CRLF1: variants seen among roughly 807,000 people sequenced by gnomAD.
The protein encoded by CRLF1 is cytokine receptor-like factor 1.
In CRLF1, 36 loss-of-function variants were observed where a neutral mutation model predicts 48.9. The observed-to-expected ratio is 0.74, with a 90% CI of 0.56 to 0.97. The LOEUF (loss-of-function observed/expected upper bound fraction) is 0.97. CRLF1 is among the 50% of genes least tolerant of loss of function. The pLI, the probability that CRLF1 is intolerant of heterozygous loss-of-function variation, is 0.00. For synonymous variants in CRLF1, 256 were observed against 253.4 expected (o/e 1.01, Z -0.10); for missense variants, 534 against 575.1 (o/e 0.93, Z 0.73).
chr19:18,605,717 C>A (rs921265916), intron 1 of CRLF1, among the ~76,000 whole-genome samples: 1 of 152,158 alleles, frequency 6.6e-6, no homozygotes, highest in Non-Finnish European at 1.5e-5. Flanking sequence ...CGTATCCTTG[C>A]GGGGGTGTTC....
intron 4 of CRLF1, among the ~76,000 whole-genome samples, chr19:18,597,589 C>T (rs1359832815): frequency 6.6e-6 from 1 of 151,896 alleles, no homozygotes; most frequent in Non-Finnish European, 1.5e-5. Context: ...GCCACTACGC[C>T]CGGCTAAATT....
chr19:18,596,836 G>C (rs1156907661), intron 5 of CRLF1, 46 bp from the exon 6 acceptor site: 4 of 1,612,912 alleles, frequency 2.5e-6, no homozygotes, highest in Non-Finnish European at 3.4e-6. Flanking sequence ...GGCCTAGCAG[G>C]AGCGGGGGCG....
intron 8 of CRLF1, 26 bp downstream of exon 8, chr19:18,594,039 C>CCCCCCCCCCCCCCA: frequency 1.6e-6 from 2 of 1,271,694 alleles, no homozygotes; most frequent in Non-Finnish European, 2.2e-6. Context: ...TGCTCCCTCC[C>CCCCCCCCCCCCCCA]GCCCACCCAT....
chr19:18,593,703 G>T, intron 8 of CRLF1, 124 bp from the exon 9 acceptor site: 2 of 1,534,048 alleles, frequency 1.3e-6, no homozygotes, highest in East Asian at 2.5e-5. Context: ...CTTTGGGCAG[G>T]GTCCTGCCCC....
rs1412317031 is a variant in CRLF1, at chr19:18,606,512, G to C, written c.115+30C>G. On this transcript the variant is annotated intron_variant, in intron 1 of 8. Coordinates refer to ENST00000392386, the MANE Select transcript of CRLF1 (RefSeq NM_004750.5). The surrounding 1 kb of genome is among the most constrained non-coding windows in gnomAD (Gnocchi z 4.8). ...GGGCGCCCGCCCTCTGCTCTGGCAG[G>C]GGGGAAGGAGTGGGGCGCCGGGTAC... is the stretch of plus-strand genomic sequence containing the variant. 3 of 1,151,076 alleles carry C rather than the reference G, an allele frequency of 2.6e-6. No individual in the cohort carries two copies. The highest frequency in any genetic ancestry group is 3.2e-6 in the Non-Finnish European group (3 of 936,544). 71.3% of individuals were successfully genotyped at this position (1,151,076 alleles called of 1,614,324 possible).
Position 18,606,618 on chromosome 19 carries a change from C to G in CRLF1, c.39G>C (p.Ala13=), listed in dbSNP as rs1600659367. 9.4e-7 allele frequency: 1 copy of G among 1,061,990 alleles called. No individual in the cohort carries two copies. Among genetic ancestry groups the G allele is most frequent in the Non-Finnish European group, 1.1e-6 (1 of 878,208 alleles). 65.8% of individuals were successfully genotyped at this position (1,061,990 alleles called of 1,614,324 possible). Residue 13 remains alanine (A), a synonymous_variant, in exon 1 of 9, where the codon GCG becomes GCC. Transcript: ENST00000392386. The surrounding 1 kb of genome is among the most constrained non-coding windows in gnomAD (Gnocchi z 4.8). ...GGGGCAGCAACGGCGGCGGCCGCCG[C>G]GCGGATTGGGCGGCGGGGCCCCGGC... The part of the protein sequence containing the change: ...AGRRGPAAQS[A]RRPPPLLPLL...
chr19:18,593,932 G>C, intron 8 of CRLF1, 133 bp downstream of exon 8: 1 of 1,476,256 alleles, frequency 6.8e-7, no homozygotes, highest in Non-Finnish European at 9.1e-7. Flanking sequence ...GAATAACAAA[G>C]GAAGAGGACG....
Position 18,599,725 on chromosome 19 carries a change from G to T in CRLF1, c.237C>A (p.Asn79Lys), listed in dbSNP as rs2238647. ...AGAGCTCAGGGGGCAGGCGGCGCCC[G>T]TTGAGGGTCCAGTAGAGGCCCTCGG... ...ATAEGLYWTL[N>K]GRRLPPELSR... The change falls in exon 2 of 9, where the codon AAC (asparagine) becomes AAA (lysine). Residue 79 changes from asparagine (N) to lysine (K), a missense_variant. Coordinates refer to ENST00000392386, the MANE Select transcript of CRLF1 (RefSeq NM_004750.5). The T allele has an allele frequency of 1.2e-6, 2 of 1,605,398 alleles. No homozygotes were observed. The highest frequency in any genetic ancestry group is 1.7e-6 in the Non-Finnish European group (2 of 1,176,300).
Position 18,593,504 on chromosome 19 carries a change from C to T in CRLF1, c.*62G>A, listed in dbSNP as rs1976083521. The T allele has an allele frequency of 3.1e-6, 5 of 1,601,646 alleles. No individual in the cohort carries two copies. In the Admixed American group the frequency reaches 5.1e-5, roughly 16 times the overall value. ...CTGAAGTGAGGGTACAGAGGTGGCC[C>T]CAGTTTGGGTTCGGCCTCTGCGTCT... On this transcript the variant is annotated 3_prime_UTR_variant, in exon 9 of 9. Coordinates refer to ENST00000392386, the MANE Select transcript of CRLF1 (RefSeq NM_004750.5).
intron 8 of CRLF1, 142 bp from the exon 9 acceptor site, chr19:18,593,721 G>T: frequency 6.6e-7 from 1 of 1,515,438 alleles, no homozygotes; most frequent in Non-Finnish European, 8.9e-7. Flanking sequence ...CCCTCTCCGG[G>T]CCTTGGCGAG....
chr19:18,603,628 T>A (rs1976247403), intron 1 of CRLF1, among the ~76,000 whole-genome samples: 1 of 152,212 alleles, frequency 6.6e-6, no homozygotes, highest in South Asian at 2.1e-4. Context: ...GACAGGGTGA[T>A]CCTGGCCCCC....
intron 6 of CRLF1, 147 bp downstream of exon 6, chr19:18,596,475 G>T: frequency 1.0e-6 from 1 of 1,004,050 alleles, no homozygotes; most frequent in Non-Finnish European, 1.4e-6. Flanking sequence ...GGGAGGCAGA[G>T]GTTGCAGTGA....
Position 18,596,962 on chromosome 19 carries a change from G to C in CRLF1, c.785C>G (p.Ala262Gly). ...QLSVRWVSPP[A>G]LKDFLFQAKY... ...GGCTTGAAAGAGGAAATCCTTGAGG[G>C]CGGGTGGCGACACCCAGCGCACGCT... Residue 262 changes from alanine to glycine, a missense_variant, in exon 5 of 9, where the codon GCC becomes GGC. By Grantham distance (60) the Ala-to-Gly change is moderately conservative. This residue lies in a region of CRLF1 where 528 missense variants were observed against 555.7 expected (regional missense o/e 0.95). Coordinates refer to ENST00000392386, the MANE Select transcript of CRLF1 (RefSeq NM_004750.5). 3 of 1,614,068 alleles carry C rather than the reference G, an allele frequency of 1.9e-6. No homozygotes were observed. The highest frequency in any genetic ancestry group is 2.5e-6 in the Non-Finnish European group (3 of 1,180,018).
rs184575360 is a variant in CRLF1, at chr19:18,598,605, C to T, written c.528-4G>A. 4.7e-3 allele frequency: 7,531 copies of T among 1,613,970 alleles called. 23 individuals are homozygous for T. The highest frequency in any genetic ancestry group is 5.5e-3 in the Non-Finnish European group (6,546 of 1,179,954). ...TGTGTTGTCCTGGCCATACCACCTG[C>T]GGGGATGGGAGGGCGACAGGACGCA... On this transcript the variant is annotated splice_region_variant and splice_polypyrimidine_tract_variant and intron_variant, in intron 3 of 8. Coordinates refer to ENST00000392386, the MANE Select transcript of CRLF1 (RefSeq NM_004750.5).
At position 18,599,819 on chromosome 19, in the gene CRLF1, G is replaced by A; in HGVS notation, c.143C>T (p.Pro48Leu). ...CAGGGAGGAGCCGATGAGAAGCGTG[G>A]GATCCTGGGGACTGATCACAGCTGT... ...AHTAVISPQD[P>L]TLLIGSSLLA... is the part of the protein sequence containing the mutation. Residue 48 changes from proline to leucine, a missense_variant, in exon 2 of 9, where the codon CCC becomes CTC. Around this residue, in one of 2 missense-constraint regions of CRLF1, gnomAD observed 528 missense variants for 555.7 expected, o/e 0.95. Transcript: ENST00000392386. The A allele has an allele frequency of 1.3e-6, 2 of 1,561,106 alleles. No homozygotes were observed. The highest frequency in any genetic ancestry group is 8.7e-7 in the Non-Finnish European group (1 of 1,150,250).
intron 6 of CRLF1, 137 bp from the exon 7 acceptor site, chr19:18,594,571 T>C: frequency 1.7e-6 from 1 of 581,896 alleles, no homozygotes; most frequent in Non-Finnish European, 2.4e-6. Context: ...GACCGAGTCC[T>C]CCCCGCGGCC....
intron 6 of CRLF1, among the ~76,000 whole-genome samples, chr19:18,595,666 A>C (rs893231346): frequency 6.6e-6 from 1 of 152,212 alleles, no homozygotes; most frequent in Non-Finnish European, 1.5e-5. Flanking sequence ...TCCAACCCTC[A>C]TAACAGCCCA....
chr19:18,606,638 CCCGGCGG>C lies in CRLF1; in HGVS notation c.12_18del (p.Arg5AlafsTer36). ...CGCCGCGCGGATTGGGCGGCGGGGC[CCCGGCGG>C]CCGGCGGGCATGGGGCCGGCGCTGC... On this transcript the variant is annotated frameshift_variant, in exon 1 of 9. Coordinates refer to ENST00000392386, the MANE Select transcript of CRLF1 (RefSeq NM_004750.5). LOFTEE classifies it high-confidence loss of function. This position sits in a 1 kb window ranked among gnomAD's most constrained non-coding sequence, Gnocchi z 4.8. 1 of 957,246 alleles carries C rather than the reference CCCGGCGG, an allele frequency of 1.0e-6. No individual in the cohort carries two copies. Among genetic ancestry groups the C allele is most frequent in the Non-Finnish European group, 1.3e-6 (1 of 799,238 alleles). The allele number at this position is 957,246 out of a possible 1,614,324, so 59.3% of individuals were successfully genotyped here. A position where few individuals can be genotyped will look rare whatever the true frequency, so the allele number is the denominator to read the frequency against.
intron 1 of CRLF1, among the ~76,000 whole-genome samples, chr19:18,604,708 C>T (rs985645581): frequency 9.2e-5 from 14 of 152,102 alleles, no homozygotes; most frequent in Non-Finnish European, 1.8e-4. Context: ...CCCACTGAGC[C>T]GGAGTTGGTG....
Sources: gnomAD v4.1 joint callset for allele counts (sites outside exome capture counted in the v4.1 genomes callset) on GRCh38, gnomAD v4.1.1 for gene constraint, gnomAD v4.1.1 regional missense constraint, Gnocchi (gnomAD v3.1) non-coding constraint, MANE v1.5 for transcripts, NCBI Gene and HGNC (gene_info 2026-07-23, HGNC 2026-07-21) for gene names.